The following CFAP43 variants were observed in gnomAD, a reference collection of about 807,000 sequenced individuals.
CFAP43 encodes cilia- and flagella-associated protein 43.
In CFAP43, 155 loss-of-function variants were observed where a neutral mutation model predicts 218.9. That is an observed-to-expected ratio of 0.71 (90% CI 0.62 to 0.81). The LOEUF is 0.81. Ranked by LOEUF, CFAP43 falls within the 30% of genes least tolerant of loss-of-function variation. The pLI, the probability that CFAP43 is intolerant of heterozygous loss-of-function variation, is 0.00. For missense variants in CFAP43, 1,778 were observed against 1,954.3 expected (o/e 0.91, Z 1.70); for synonymous variants, 645 against 681.3 (o/e 0.95, Z 0.83).
In CFAP43 at chr10:104,218,888, G is replaced by A. The variant is rs1351447615; in HGVS notation, c.417-4462C>T. ...CACCCTAGGAACAGCCGAGCAGCAT[G>A]ACAGCGGGAGACTGGACGCTGACCC... is the stretch of plus-strand genomic sequence containing the variant. On this transcript the variant is annotated intron_variant, in intron 3 of 37. Transcript: ENST00000357060. 7 of 497,086 alleles carry A rather than the reference G, an allele frequency of 1.4e-5. No individual in the cohort carries two copies. In the Admixed American group the frequency reaches 1.6e-4, roughly 11 times the overall value. The allele number at this position is 497,086 out of a possible 1,614,324, so 30.8% of individuals were successfully genotyped here. A position where few individuals can be genotyped will look rare whatever the true frequency, so the allele number is the denominator to read the frequency against.
intron 28 of CFAP43, among the ~76,000 whole-genome samples, chr10:104,149,611 A>C (rs1264294542): frequency 1.3e-5 from 2 of 152,198 alleles, no homozygotes; most frequent in African/African-American, 4.8e-5. Flanking sequence ...AATTTTTTAC[A>C]ACTATTATCA....
intron 7 of CFAP43, among the ~76,000 whole-genome samples, chr10:104,204,757 C>T (rs1243248654): frequency 6.6e-6 from 1 of 152,180 alleles, no homozygotes; most frequent in Non-Finnish European, 1.5e-5. Context: ...AAATGTCTCT[C>T]ACCCTGATGT....
intron 7 of CFAP43, among the ~76,000 whole-genome samples, chr10:104,205,752 A>G (rs971545019): frequency 1.3e-5 from 2 of 152,156 alleles, no homozygotes; most frequent in African/African-American, 2.4e-5. Context: ...GCAGTAATAT[A>G]TGGTAGTTCA....
Position 104,143,577 on chromosome 10 carries a change from C to T in CFAP43, c.4007G>A (p.Gly1336Glu), listed in dbSNP as rs1002475158. ...GGCATCCTTATTCAACTTGCCAGAT[C>T]CTGGTAGTTCTCCGAAAGGGACAAC... is the stretch of plus-strand genomic sequence containing the variant. The part of the protein sequence containing the change: ...TSVVPFGELP[G>E]SGKLNKDAFA... Residue 1336 changes from glycine (G) to glutamate (E), a missense_variant, in exon 32 of 38, where the codon GGA becomes GAA. Around this residue, in one of 3 missense-constraint regions of CFAP43, gnomAD observed 1,553 missense variants for 1,685.2 expected, o/e 0.92. Transcript: ENST00000357060. 6.2e-7 allele frequency: 1 copy of T among 1,614,168 alleles called. No individual in the cohort carries two copies. Among genetic ancestry groups the T allele is most frequent in the Non-Finnish European group, 8.5e-7 (1 of 1,180,024 alleles).
At chr10:104,150,868 T>A (rs771049564) in intron 28 of CFAP43, among the ~76,000 whole-genome samples, 2 of 152,130 alleles carry the variant, frequency 1.3e-5, no homozygotes, top group African/African-American at 2.4e-5. Flanking sequence ...AGTTATTTTT[T>A]CTGATCTTCT....
chr10:104,226,423 A>G (rs11191958), intron 2 of CFAP43, among the ~76,000 whole-genome samples: 19,207 of 152,200 alleles, frequency 0.13, 1,507 homozygotes, highest in Non-Finnish European at 0.17. Flanking sequence ...TTGAGCATTC[A>G]CTACAAAAAC....
chr10:104,232,106 G>A (rs1444663587), intron 1 of CFAP43, 76 bp downstream of exon 1: 5 of 1,508,674 alleles, frequency 3.3e-6, no homozygotes, highest in Non-Finnish European at 4.5e-6. Flanking sequence ...GAACCGGAGG[G>A]AGAGGAGGGA....
intron 3 of CFAP43, among the ~76,000 whole-genome samples, chr10:104,223,438 A>G (rs2091233920): frequency 6.6e-6 from 1 of 152,248 alleles, no homozygotes; most frequent in South Asian, 2.1e-4. Context: ...CATATTTAGG[A>G]GACATTGATG....
chr10:104,162,303 G>A lies in CFAP43; in HGVS notation c.3333+14C>T, dbSNP rs770864193. Reference sequence around the variant, plus strand: ...AAGAGGGTCTTAGGACCTGTGTTAAGCAAAGCTACATGCCTGTATCAGAAG... The same window carrying A: ...AAGAGGGTCTTAGGACCTGTGTTAAACAAAGCTACATGCCTGTATCAGAAG... On this transcript the variant is annotated intron_variant, in intron 25 of 37. Coordinates refer to ENST00000357060, the MANE Select transcript of CFAP43 (RefSeq NM_025145.7). 4 of 1,611,704 alleles carry A rather than the reference G, an allele frequency of 2.5e-6. No individual in the cohort carries two copies. The highest frequency in any genetic ancestry group is 3.4e-6 in the Non-Finnish European group (4 of 1,177,918).
intron 23 of CFAP43, 105 bp from the exon 24 acceptor site, chr10:104,164,405 T>C (rs2089042930): frequency 9.8e-7 from 1 of 1,015,788 alleles, no homozygotes; most frequent in South Asian, 1.7e-5. Flanking sequence ...ACAAATTTTT[T>C]TTTTTTTTTT....
At chr10:104,227,482 T>C (rs1053040608) in intron 2 of CFAP43, among the ~76,000 whole-genome samples, 2 of 152,184 alleles carry the variant, frequency 1.3e-5, no homozygotes, top group African/African-American at 4.8e-5. Flanking sequence ...GGCAGAAAAA[T>C]AGCATCTTGG....
chr10:104,161,282 G>C (rs2088857201), intron 26 of CFAP43, 120 bp from the exon 27 acceptor site: 3 of 1,060,652 alleles, frequency 2.8e-6, no homozygotes, highest in Admixed American at 2.8e-5. Context: ...CATTGGCAAG[G>C]AAAACGACCT....
Position 104,207,806 on chromosome 10 carries a change from G to C in CFAP43, c.754C>G (p.Pro252Ala). 6.2e-7 allele frequency: 1 copy of C among 1,611,896 alleles called. No individual in the cohort carries two copies. The highest frequency in any genetic ancestry group is 1.1e-5 in the South Asian group (1 of 90,450). The change falls in exon 6 of 38, where the codon CCT becomes GCT. Residue 252 changes from proline to alanine, a missense_variant. Pro to Ala is a conservative substitution (Grantham distance 27). This residue lies in a region of CFAP43 where 1,553 missense variants were observed against 1,685.2 expected (regional missense o/e 0.92). Transcript: ENST00000357060. ...ETFRPKDDLY[P>A]LLHPTMHCWT... is the part of the protein sequence containing the mutation. Reference sequence around the variant, plus strand: ...CAATGCATAGTCGGGTGAAGCAAAGGATATAGATCATCTTTCGGCTTCAGG... The same window carrying C: ...CAATGCATAGTCGGGTGAAGCAAAGCATATAGATCATCTTTCGGCTTCAGG...
At chr10:104,139,260 A>T (rs1229581269) in intron 34 of CFAP43, among the ~76,000 whole-genome samples, 3 of 152,148 alleles carry the variant, frequency 2.0e-5, no homozygotes, top group Admixed American at 2.0e-4. Flanking sequence ...CACGTGTGTA[A>T]TTGGAATCCC....
At position 104,142,609 on chromosome 10, in the gene CFAP43, G is replaced by T. The variant is rs138987022; in HGVS notation, c.4159-216C>A. On this transcript the variant is annotated intron_variant, in intron 32 of 37. Transcript: ENST00000357060. ...TTGCTTCTTGGTGAAAATCAAGTAT[G>T]CAGGCAACTATAAATTCTTTTATAT... Among the ~76,000 whole-genome samples the T allele has an allele frequency of 1.9e-3, 294 of 152,270 alleles. 2 individuals are homozygous for T. The highest frequency in any genetic ancestry group is 6.9e-3 in the African/African-American group (288 of 41,546).
At chr10:104,159,241 CAG>C (rs2088744996) in intron 27 of CFAP43, among the ~76,000 whole-genome samples, 1 of 151,966 alleles carries the variant, frequency 6.6e-6, no homozygotes, top group South Asian at 2.1e-4. Flanking sequence ...TAAAGGAGAG[CAG>C]AGACATTGAG....
intron 2 of CFAP43, among the ~76,000 whole-genome samples, chr10:104,226,370 A>G (rs1211578247): frequency 1.3e-5 from 2 of 152,182 alleles, no homozygotes; most frequent in East Asian, 3.8e-4. Context: ...CATTTATTGA[A>G]TATATTTAGC....
intron 22 of CFAP43, 132 bp downstream of exon 22, chr10:104,167,489 A>T: frequency 1.7e-6 from 1 of 588,180 alleles, no homozygotes; most frequent in Non-Finnish European, 2.7e-6. Flanking sequence ...TATTCTACAA[A>T]TTAACAAGAA....
chr10:104,152,671 G>T lies in CFAP43; in HGVS notation c.3596C>A (p.Ala1199Asp). The T allele has an allele frequency of 6.2e-7, 1 of 1,613,598 alleles. No homozygotes were observed. Among genetic ancestry groups the T allele is most frequent in the East Asian group, 2.2e-5 (1 of 44,878 alleles). Residue 1199 changes from alanine to aspartate, a missense_variant, in exon 28 of 38, where the codon GCC becomes GAC. Physicochemically the swap from Ala to Asp is moderately radical, Grantham distance 126. Around this residue, in one of 3 missense-constraint regions of CFAP43, gnomAD observed 1,553 missense variants for 1,685.2 expected, o/e 0.92. Coordinates refer to ENST00000357060, the MANE Select transcript of CFAP43 (RefSeq NM_025145.7). ...LQNSIQESTQ[A>D]FDEHLKRLFE... ...AAGTCTTTTCAAATGTTCATCAAAGGCCTGTGTGCTTTCTTGAATAGAGTT... is the reference window on the plus strand; with the variant it reads ...AAGTCTTTTCAAATGTTCATCAAAGTCCTGTGTGCTTTCTTGAATAGAGTT...
Sources: allele counts gnomAD v4.1 joint callset (sites outside exome capture counted in the v4.1 genomes callset), GRCh38; gene constraint gnomAD v4.1.1; regional missense constraint gnomAD v4.1.1; transcripts MANE v1.5; gene names NCBI Gene and HGNC (gene_info 2026-07-23, HGNC 2026-07-21).